Variants in DENND1B observed in about 807,000 individuals in gnomAD.
DENND1B encodes the protein DENN domain-containing protein 1B.
A neutral mutation model predicts 90.1 loss-of-function variants in DENND1B; 59 were observed. The observed-to-expected ratio is 0.65, with a 90% confidence interval of 0.53 to 0.81. The LOEUF (loss-of-function observed/expected upper bound fraction) is 0.81. Ranked by LOEUF, DENND1B falls within the 40% of genes least tolerant of loss-of-function variation. The pLI is 0.00. For synonymous variants in DENND1B, 337 were observed against 324.6 expected (o/e 1.04, Z -0.41); for missense variants, 862 against 912.6 (o/e 0.94, Z 0.71).
chr1:197,634,204 T>C (rs1249471305), intron 10 of DENND1B, among the ~76,000 whole-genome samples: 1 of 152,196 alleles, frequency 6.6e-6, no homozygotes, highest in Non-Finnish European at 1.5e-5. Context: ...CTATAGTCTT[T>C]AGAATTTCCT....
At chr1:197,730,085 T>G (rs2102312722) in intron 2 of DENND1B, among the ~76,000 whole-genome samples, 1 of 152,264 alleles carries the variant, frequency 6.6e-6, no homozygotes, top group South Asian at 2.1e-4. Context: ...ACAAAGAATT[T>G]TAAAAACAGA....
At chr1:197,672,962 G>C (rs1046549141) in intron 4 of DENND1B, among the ~76,000 whole-genome samples, 2 of 151,664 alleles carry the variant, frequency 1.3e-5, no homozygotes, top group African/African-American at 4.8e-5. Flanking sequence ...TTGCTTCCTT[G>C]TCCCAAAATA....
At chr1:197,559,099 A>T (rs996993513) in intron 15 of DENND1B, among the ~76,000 whole-genome samples, 2 of 151,914 alleles carry the variant, frequency 1.3e-5, no homozygotes, top group African/African-American at 2.4e-5. Context: ...ACAATTCTTT[A>T]ATTATTTACC....
chr1:197,609,265 C>T (rs892208699), intron 12 of DENND1B, among the ~76,000 whole-genome samples: 1 of 150,370 alleles, frequency 6.7e-6, no homozygotes, highest in Non-Finnish European at 1.5e-5. Context: ...TTTCTCACAC[C>T]CTCTATGTTT....
intron 13 of DENND1B, among the ~76,000 whole-genome samples, chr1:197,602,678 T>C (rs549799303): frequency 7.9e-5 from 12 of 151,402 alleles, no homozygotes; most frequent in Middle Eastern, 3.4e-3. Context: ...AACATATCCA[T>C]TGACAATCTG....
intron 2 of DENND1B, among the ~76,000 whole-genome samples, chr1:197,747,945 T>G (rs1019500272): frequency 3.9e-5 from 6 of 152,168 alleles, no homozygotes; most frequent in African/African-American, 1.4e-4. Context: ...TGTCTTCTGA[T>G]AGCATCAATG....
chr1:197,739,136 G>A (rs1662985559), intron 2 of DENND1B, among the ~76,000 whole-genome samples: 1 of 152,114 alleles, frequency 6.6e-6, no homozygotes, highest in Non-Finnish European at 1.5e-5. Flanking sequence ...GAAATCCCAG[G>A]ATCAGCTGAC....
chr1:197,552,380 A>T (rs1297977165), intron 16 of DENND1B: 1 of 985,392 alleles, frequency 1.0e-6, no homozygotes, highest in Non-Finnish European at 1.2e-6. Flanking sequence ...ATGCTCTGCA[A>T]GTCAAGACTA....
At chr1:197,735,724 A>G (rs781386107) in intron 2 of DENND1B, 2 of 1,613,550 alleles carry the variant, frequency 1.2e-6, no homozygotes, top group Non-Finnish European at 1.7e-6. Flanking sequence ...AAAGTTTTCC[A>G]GTTTCTTAAT....
At chr1:197,733,849 C>A (rs983054659) in intron 2 of DENND1B, among the ~76,000 whole-genome samples, 10 of 152,162 alleles carry the variant, frequency 6.6e-5, no homozygotes, top group African/African-American at 2.4e-4. Context: ...AATGCTTTAA[C>A]AATCCTGGTC....
chr1:197,721,157 C>T (rs944107566), intron 2 of DENND1B, among the ~76,000 whole-genome samples: 2 of 150,754 alleles, frequency 1.3e-5, no homozygotes, highest in Non-Finnish European at 1.5e-5. Flanking sequence ...GCAAGCCCCA[C>T]CTCCCGGGTT....
At chr1:197,623,503 T>A (rs1678361046) in intron 10 of DENND1B, among the ~76,000 whole-genome samples, 1 of 151,552 alleles carries the variant, frequency 6.6e-6, no homozygotes, top group South Asian at 2.1e-4. Flanking sequence ...TCAAATTAAG[T>A]GAGACTTATA....
At chr1:197,780,572 C>A (rs1211491563), upstream of DENND1B, among the ~76,000 whole-genome samples, 1 of 152,106 alleles carries the variant, frequency 6.6e-6, no homozygotes, top group Admixed American at 6.6e-5. Context: ...GATCCACCCA[C>A]CTCGGCCTCC....
intron 20 of DENND1B, among the ~76,000 whole-genome samples, chr1:197,513,208 T>A (rs1361043039): frequency 6.6e-6 from 1 of 150,834 alleles, no homozygotes; most frequent in African/African-American, 2.4e-5. Flanking sequence ...CTGGATTGAA[T>A]ACATATGCAC....
At chr1:197,674,272 T>A (rs1373899892) in intron 3 of DENND1B, 103 bp from the exon 4 acceptor site, 1 of 802,278 alleles carries the variant, frequency 1.2e-6, no homozygotes, top group East Asian at 2.7e-5. Flanking sequence ...AGATGCTTTC[T>A]TTGTCCTTAA....
chr1:197,554,333 A>C (rs1671516148), intron 15 of DENND1B, among the ~76,000 whole-genome samples: 1 of 152,084 alleles, frequency 6.6e-6, no homozygotes, highest in Admixed American at 6.6e-5. Flanking sequence ...AAGATGGATT[A>C]AAACTTCCAT....
intron 2 of DENND1B, among the ~76,000 whole-genome samples, chr1:197,725,746 A>G (rs1362036575): frequency 1.3e-5 from 2 of 151,996 alleles, no homozygotes; most frequent in African/African-American, 4.8e-5. Flanking sequence ...CAGAACATAA[A>G]GGGCCTTGAG....
At chr1:197,596,623 CACAT>C (rs145969348) in intron 13 of DENND1B, among the ~76,000 whole-genome samples, 3,576 of 151,898 alleles carry the variant, frequency 0.024, 144 homozygotes, top group African/African-American at 0.081. Flanking sequence ...AACATATACA[CACAT>C]ACATACACAT....
At chr1:197,662,697 G>T (rs562790003) in intron 5 of DENND1B, among the ~76,000 whole-genome samples, 1 of 152,148 alleles carries the variant, frequency 6.6e-6, no homozygotes, top group South Asian at 2.1e-4. Context: ...AAGTATATCT[G>T]CTAATGTACA....
Sources: gnomAD v4.1 joint callset for allele counts (sites outside exome capture counted in the v4.1 genomes callset) on GRCh38, gnomAD v4.1.1 for gene constraint, MANE v1.5 for transcripts, NCBI Gene and HGNC (gene_info 2026-07-23, HGNC 2026-07-21) for gene names.